NFE2L3: variants seen among roughly 807,000 people sequenced by gnomAD.
NFE2L3 encodes NFE2 like bZIP transcription factor 3, also known as nuclear factor erythroid 2-related factor 3.
In NFE2L3, 18 loss-of-function variants were observed where a neutral mutation model predicts 23.5. The ratio of observed to expected loss-of-function variants is 0.77; its 90% CI spans 0.53 to 1.13. NFE2L3 has a LOEUF of 1.13. Among genes scored for constraint, NFE2L3 ranks in the 50% most tolerant of loss-of-function variants. The probability of loss-of-function intolerance (pLI) is 0.00; values close to 1 mark genes in which losing one functional copy is unlikely to be tolerated. For missense variants in NFE2L3, 1,152 were observed against 877.2 expected (o/e 1.31, Z -3.96); for synonymous variants, 424 against 354.5 (o/e 1.20, Z -2.20).
chr7:26,155,370 C>T (rs555142593), intron 1 of NFE2L3, among the ~76,000 whole-genome samples: 85 of 152,068 alleles, frequency 5.6e-4, no homozygotes, highest in African/African-American at 1.8e-3. Context: ...TGAATCTGGG[C>T]GGCGGAGGTT....
intron 1 of NFE2L3, among the ~76,000 whole-genome samples, chr7:26,153,843 A>G (rs1784038288): frequency 6.6e-6 from 1 of 152,230 alleles, no homozygotes; most frequent in South Asian, 2.1e-4. Flanking sequence ...GTTTGAGTTC[A>G]GTCTAATGAC....
intron 1 of NFE2L3, among the ~76,000 whole-genome samples, chr7:26,175,192 CAAAA>C (rs55911511): frequency 6.9e-5 from 7 of 101,806 alleles, no homozygotes; most frequent in African/African-American, 7.1e-5. Context: ...TAAAAAATAC[CAAAA>C]AAAAAAAAAA....
intron 1 of NFE2L3, among the ~76,000 whole-genome samples, chr7:26,161,335 C>CTTTTTTTTTTTTTT (rs914055111): frequency 1.4e-5 from 1 of 69,576 alleles, no homozygotes; most frequent in African/African-American, 5.2e-5. Context: ...GCTTCTCTCT[C>CTTTTTTTTTTTTTT]TTTTTTTTTT....
intron 1 of NFE2L3, among the ~76,000 whole-genome samples, chr7:26,161,713 C>G (rs1414831369): frequency 6.6e-6 from 1 of 152,094 alleles, no homozygotes; most frequent in Non-Finnish European, 1.5e-5. Context: ...CCCAATTTCC[C>G]TAGCTCCTTT....
chr7:26,158,112 A>G (rs899434689), intron 1 of NFE2L3, among the ~76,000 whole-genome samples: 1 of 152,088 alleles, frequency 6.6e-6, no homozygotes, highest in Non-Finnish European at 1.5e-5. Context: ...TCAATGGCGC[A>G]ATCTCGGCTC....
intron 1 of NFE2L3, among the ~76,000 whole-genome samples, chr7:26,169,852 CT>C (rs1452663020): frequency 6.6e-6 from 1 of 152,088 alleles, no homozygotes; most frequent in South Asian, 2.1e-4. Context: ...AATCCCGGCC[CT>C]TTGGGAGGCT....
chr7:26,186,681 C>T lies in NFE2L3; in HGVS notation c.*898C>T, dbSNP rs1215363216. 3 of 152,146 alleles carry T rather than the reference C, an allele frequency of 2.0e-5. 1 individual carries two copies. The East Asian group carries it at 5.8e-4, about 29-fold the overall frequency. 9.4% of individuals were successfully genotyped at this position (152,146 alleles called of 1,614,324 possible). A position where few individuals can be genotyped will look rare whatever the true frequency, so the allele number is the denominator to read the frequency against. On this transcript the variant is annotated 3_prime_UTR_variant, in exon 4 of 4. Coordinates refer to ENST00000056233, the MANE Select transcript of NFE2L3 (RefSeq NM_004289.7). ...GGGATGGCCTCACCATCTTAGAATA[C>T]TGAGATCTCACCAGAACACTGTAAG...
In NFE2L3 at chr7:26,186,031, C is replaced by CAAAG. The variant is rs1044961447; in HGVS notation, c.*251_*254dup. ...TGTATACAAAATTCATAGTTATGTC[C>CAAAG]AAAGAATAGGTTAACATGAAAACCC... On this transcript the variant is annotated 3_prime_UTR_variant, in exon 4 of 4. Transcript: ENST00000056233. 1.2e-5 allele frequency: 4 copies of CAAAG among 340,014 alleles called. No individual in the cohort carries two copies. Among genetic ancestry groups the CAAAG allele is most frequent in the Non-Finnish European group, 2.1e-5 (4 of 188,020 alleles). The allele number at this position is 340,014 out of a possible 1,614,324, so 21.1% of individuals were successfully genotyped here.
intron 1 of NFE2L3, among the ~76,000 whole-genome samples, chr7:26,153,848 A>C (rs1320460144): frequency 6.6e-6 from 1 of 152,200 alleles, no homozygotes; most frequent in African/African-American, 2.4e-5. Flanking sequence ...AGTTCAGTCT[A>C]ATGACACTTT....
At chr7:26,181,702 C>T (rs1160396403) in intron 2 of NFE2L3, among the ~76,000 whole-genome samples, 2 of 152,050 alleles carry the variant, frequency 1.3e-5, no homozygotes, top group Admixed American at 6.6e-5. Flanking sequence ...GATTCCTAGT[C>T]CTCTGAAAAA....
In NFE2L3 at chr7:26,186,610, G is replaced by A. The variant is rs942061963; in HGVS notation, c.*827G>A. The stretch of plus-strand genomic sequence containing the variant: ...TACTTGCAAAAACGTAACTCCTTGT[G>A]TGTATATTAAATCCATAAAATCTCT... On this transcript the variant is annotated 3_prime_UTR_variant, in exon 4 of 4. Transcript: ENST00000056233. The A allele has an allele frequency of 6.6e-6, 1 of 152,190 alleles. No homozygotes were observed. The highest frequency in any genetic ancestry group is 1.5e-5 in the Non-Finnish European group (1 of 68,044). 9.4% of individuals were successfully genotyped at this position (152,190 alleles called of 1,614,324 possible).
At chr7:26,181,453 A>C (rs934981232) in intron 2 of NFE2L3, among the ~76,000 whole-genome samples, 18 of 152,280 alleles carry the variant, frequency 1.2e-4, no homozygotes, top group Admixed American at 1.1e-3. Flanking sequence ...GGGGACTGGT[A>C]CAATTCTAGC....
chr7:26,152,762 G>C lies in NFE2L3; in HGVS notation c.264G>C (p.Glu88Asp), dbSNP rs1161309177. The C allele has an allele frequency of 1.4e-6, 2 of 1,477,584 alleles. No homozygotes were observed. Among genetic ancestry groups the C allele is most frequent in the Admixed American group, 2.3e-5 (1 of 42,932 alleles). The allele number at this position is 1,477,584 out of a possible 1,614,324, so 91.5% of individuals were successfully genotyped here. A position where few individuals can be genotyped will look rare whatever the true frequency, so the allele number is the denominator to read the frequency against. ...GRELDPAAPP[E>D]GQLLREVRAL... ...AGCTGGACCCTGCCGCGCCGCCCGAGGGCCAGCTGCTCCGGGAGGTGCGCG... is the reference window on the plus strand; with the variant it reads ...AGCTGGACCCTGCCGCGCCGCCCGACGGCCAGCTGCTCCGGGAGGTGCGCG... Residue 88 changes from glutamate (E) to aspartate (D), a missense_variant, in exon 1 of 4, where the codon GAG (glutamate) becomes GAC (aspartate). Transcript: ENST00000056233. This position sits in a 1 kb window ranked among gnomAD's most constrained non-coding sequence, Gnocchi z 4.4.
At chr7:26,169,752 A>C (rs1784308888) in intron 1 of NFE2L3, among the ~76,000 whole-genome samples, 2 of 152,368 alleles carry the variant, frequency 1.3e-5, no homozygotes, top group East Asian at 3.9e-4. Flanking sequence ...AAGTCTGTGC[A>C]GGTTGAAGTA....
intron 3 of NFE2L3, 108 bp from the exon 4 acceptor site, chr7:26,184,425 T>C: frequency 1.0e-6 from 1 of 981,530 alleles, no homozygotes; most frequent in South Asian, 1.6e-5. Context: ...TCTATCTCTA[T>C]TAAATGTAGA....
Position 26,183,801 on chromosome 7 carries a change from C to T in NFE2L3, c.834+17C>T. 1 of 1,555,702 alleles carries T rather than the reference C, an allele frequency of 6.4e-7. No individual in the cohort carries two copies. Among genetic ancestry groups the T allele is most frequent in the South Asian group, 1.1e-5 (1 of 89,832 alleles). On this transcript the variant is annotated intron_variant, in intron 3 of 3. Coordinates refer to ENST00000056233, the MANE Select transcript of NFE2L3 (RefSeq NM_004289.7). ...TCACTGGAGGTAATTGGAACTTTGG[C>T]TTTTATCCTCGCAGGAACATATCTG...
chr7:26,156,472 GTT>G (rs1784083444), intron 1 of NFE2L3, among the ~76,000 whole-genome samples: 2 of 152,148 alleles, frequency 1.3e-5, no homozygotes, highest in Non-Finnish European at 2.9e-5. Flanking sequence ...AAGGAGTACT[GTT>G]TTGGTTTCAC....
At chr7:26,164,596 A>T (rs1784219461) in intron 1 of NFE2L3, among the ~76,000 whole-genome samples, 2 of 152,030 alleles carry the variant, frequency 1.3e-5, no homozygotes, top group South Asian at 4.1e-4. Flanking sequence ...ATTTTCCCCC[A>T]TTCTGTAGGT....
At chr7:26,160,761 T>G (rs1784154616) in intron 1 of NFE2L3, among the ~76,000 whole-genome samples, 1 of 152,252 alleles carries the variant, frequency 6.6e-6, no homozygotes, top group Non-Finnish European at 1.5e-5. Flanking sequence ...CAGAATACCT[T>G]CAGAGCAACA....
Sources: gnomAD v4.1 joint callset for allele counts (sites outside exome capture counted in the v4.1 genomes callset) on GRCh38, gnomAD v4.1.1 for gene constraint, Gnocchi (gnomAD v3.1) non-coding constraint, MANE v1.5 for transcripts, NCBI Gene and HGNC (gene_info 2026-07-23, HGNC 2026-07-21) for gene names.